TLK1: variants seen among roughly 807,000 people sequenced by gnomAD.
TLK1 encodes the protein serine/threonine-protein kinase tousled-like 1.
Under a neutral mutation model 105.3 loss-of-function variants are expected in TLK1, and 24 were observed. That is an observed-to-expected ratio of 0.23 (90% CI 0.17 to 0.32). The LOEUF (loss-of-function observed/expected upper bound fraction) is 0.32. Among genes scored for constraint, TLK1 ranks in the 10% least tolerant of loss-of-function variants. TLK1 has a pLI of 1.00. For synonymous variants in TLK1, 321 were observed against 310.4 expected, an observed-to-expected ratio of 1.03 and a Z score of -0.36; for missense variants, 558 against 910.5, an observed-to-expected ratio of 0.61 and a Z score of 4.98.
chr2:171,027,341 A>G (rs1685821325), intron 12 of TLK1, among the ~76,000 whole-genome samples: 1 of 152,314 alleles, frequency 6.6e-6, no homozygotes, highest in East Asian at 1.9e-4. Flanking sequence ...TATGTCTGTC[A>G]GTAACTTAAT....
At position 171,006,444 on chromosome 2, in the gene TLK1, T is replaced by C. The variant is rs774927246; in HGVS notation, c.1768+30A>G. On this transcript the variant is annotated intron_variant, in intron 17 of 20. Transcript: ENST00000431350. ...GACTTTTAAAAACTATACTCAAGTT[T>C]AAAAAAAATTAGACAAATTTCATAA... The C allele has an allele frequency of 1.9e-6, 3 of 1,545,824 alleles. No homozygotes were observed. The East Asian group carries it at 6.8e-5, about 35-fold the overall frequency.
intron 1 of TLK1, among the ~76,000 whole-genome samples, chr2:171,190,071 C>T (rs531622476): frequency 1.3e-5 from 2 of 152,312 alleles, no homozygotes; most frequent in South Asian, 4.1e-4. Context: ...GTCAAATTTG[C>T]ACAATTAAGA....
chr2:171,196,270 C>A (rs568076556), intron 1 of TLK1, among the ~76,000 whole-genome samples: 2 of 152,064 alleles, frequency 1.3e-5, no homozygotes, highest in African/African-American at 2.4e-5. Flanking sequence ...GTGCCCACCA[C>A]CATGCCCAGC....
intron 1 of TLK1, among the ~76,000 whole-genome samples, chr2:171,143,589 C>A (rs192691438): frequency 2.2e-4 from 27 of 121,808 alleles, no homozygotes; most frequent in African/African-American, 7.6e-4. Flanking sequence ...TAGAGCTATA[C>A]AGGACTAAAG....
At chr2:171,018,635 T>G (rs906197349) in intron 12 of TLK1, among the ~76,000 whole-genome samples, 1 of 152,206 alleles carries the variant, frequency 6.6e-6, no homozygotes, top group African/African-American at 2.4e-5. Context: ...CACCACAGAA[T>G]AGAATCCTCA....
chr2:171,131,006 T>C (rs1691083938), intron 1 of TLK1, among the ~76,000 whole-genome samples: 1 of 140,830 alleles, frequency 7.1e-6, no homozygotes, highest in African/African-American at 2.6e-5. Context: ...TAATAATTTC[T>C]TTTATCTGCA....
intron 1 of TLK1, among the ~76,000 whole-genome samples, chr2:171,170,354 C>A (rs543343206): frequency 6.6e-6 from 1 of 152,294 alleles, no homozygotes; most frequent in African/African-American, 2.4e-5. Context: ...TCAATAGATA[C>A]AACAATTCAC....
chr2:171,186,385 G>C (rs913416752), intron 1 of TLK1, among the ~76,000 whole-genome samples: 1 of 152,188 alleles, frequency 6.6e-6, no homozygotes, highest in African/African-American at 2.4e-5. Flanking sequence ...AGATGAGACA[G>C]TCCCCTCCCT....
chr2:171,068,575 G>A (rs960322971), intron 3 of TLK1, among the ~76,000 whole-genome samples: 1 of 151,960 alleles, frequency 6.6e-6, no homozygotes, highest in Non-Finnish European at 1.5e-5. Flanking sequence ...AGCTTATGCT[G>A]GAATCTCCAG....
intron 1 of TLK1, among the ~76,000 whole-genome samples, chr2:171,171,442 G>C (rs1692723684): frequency 6.8e-6 from 1 of 147,556 alleles, no homozygotes; most frequent in Non-Finnish European, 1.5e-5. Flanking sequence ...GCAGAGGCAG[G>C]AAGATTGAAA....
chr2:171,017,535 T>C (rs1365337949), intron 12 of TLK1, among the ~76,000 whole-genome samples: 1 of 152,230 alleles, frequency 6.6e-6, no homozygotes, highest in Non-Finnish European at 1.5e-5. Context: ...TCAAATAGGT[T>C]GTTGATGAAC....
chr2:171,226,198 T>G (rs1321009072), intron 1 of TLK1, among the ~76,000 whole-genome samples: 1 of 152,202 alleles, frequency 6.6e-6, no homozygotes, highest in Non-Finnish European at 1.5e-5. Flanking sequence ...GGGGCCTTTG[T>G]TACAACCACA....
At chr2:171,045,852 G>A (rs1475439728) in intron 11 of TLK1, 1 of 217,740 alleles carries the variant, frequency 4.6e-6, no homozygotes, top group African/African-American at 2.3e-5. Context: ...TCAGACAAAG[G>A]AATGTGAATG....
intron 2 of TLK1, among the ~76,000 whole-genome samples, chr2:171,096,818 T>C (rs1477715783): frequency 4.6e-5 from 7 of 151,122 alleles, no homozygotes; most frequent in African/African-American, 1.5e-4. Context: ...ACTATAAAAC[T>C]GTCGAAAGAA....
At chr2:171,216,275 G>A (rs1693711797) in intron 1 of TLK1, among the ~76,000 whole-genome samples, 1 of 152,152 alleles carries the variant, frequency 6.6e-6, no homozygotes, top group South Asian at 2.1e-4. Context: ...AGGAGATTGA[G>A]ACCATCCTGG....
intron 13 of TLK1, 62 bp downstream of exon 13, chr2:171,014,789 C>A: frequency 1.7e-6 from 2 of 1,197,986 alleles, no homozygotes; most frequent in Non-Finnish European, 2.5e-6. Context: ...TGTGTTTATG[C>A]TCTATGGGGG....
At chr2:171,221,271 G>A (rs951660812) in intron 1 of TLK1, among the ~76,000 whole-genome samples, 10 of 151,970 alleles carry the variant, frequency 6.6e-5, no homozygotes, top group African/African-American at 2.4e-4. Context: ...TTTTCATCTG[G>A]GGAACTACCC....
intron 18 of TLK1, among the ~76,000 whole-genome samples, chr2:170,999,123 G>A (rs1287604845): frequency 6.6e-6 from 1 of 152,184 alleles, no homozygotes; most frequent in African/African-American, 2.4e-5. Context: ...CCAGTTATAA[G>A]TAAAAGATCC....
chr2:171,177,497 CT>C (rs1558981611), intron 1 of TLK1, among the ~76,000 whole-genome samples: 1 of 152,080 alleles, frequency 6.6e-6, no homozygotes, highest in Non-Finnish European at 1.5e-5. Flanking sequence ...ACAGAAAGCC[CT>C]TGTGAGAGAC....
Sources: allele counts gnomAD v4.1 joint callset (sites outside exome capture counted in the v4.1 genomes callset), GRCh38; gene constraint gnomAD v4.1.1; transcripts MANE v1.5; gene names NCBI Gene and HGNC (gene_info 2026-07-23, HGNC 2026-07-21).